The following C12orf60 variants were observed in gnomAD, a reference collection of about 807,000 sequenced individuals.
The protein encoded by C12orf60 is chromosome 12 open reading frame 60, also known as uncharacterized protein C12orf60.
For missense variants in C12orf60, 284 were observed against 283.2 expected (o/e 1.00, Z -0.02); for synonymous variants, 102 against 94.6 (o/e 1.08, Z -0.45).
In C12orf60 at chr12:14,823,052, C is replaced by T; in HGVS notation, c.117C>T (p.Arg39=). Residue 39 remains arginine (R), a synonymous_variant, in exon 2 of 2, where the codon CGC becomes CGT. Transcript: ENST00000330828. ...VINTLTELFS[R]SMNTQILLMA... ...ACACACTGACTGAATTGTTTAGCCG[C>T]AGTATGAATACTCAAATCCTTTTGA... is the stretch of plus-strand genomic sequence containing the variant. 6.2e-7 allele frequency: 1 copy of T among 1,614,058 alleles called. No individual in the cohort carries two copies. Among genetic ancestry groups the T allele is most frequent in the Non-Finnish European group, 8.5e-7 (1 of 1,179,934 alleles).
chr12:14,811,121 C>T (rs1362937165), intron 1 of C12orf60, among the ~76,000 whole-genome samples: 1 of 152,208 alleles, frequency 6.6e-6, no homozygotes, highest in Non-Finnish European at 1.5e-5. Flanking sequence ...TGAACTTTTA[C>T]ATAATTTGAA....
chr12:14,806,550 T>G, intron 1 of C12orf60: 1 of 1,614,186 alleles, frequency 6.2e-7, no homozygotes, highest in Non-Finnish European at 8.5e-7. Flanking sequence ...CAAGTGCATA[T>G]TTAGAACCTC....
At chr12:14,807,856 C>G (rs1010579773) in intron 1 of C12orf60, among the ~76,000 whole-genome samples, 4 of 152,064 alleles carry the variant, frequency 2.6e-5, no homozygotes, top group African/African-American at 9.7e-5. Flanking sequence ...AAAAAAATGC[C>G]ATTTTACAAA....
rs1213274728 is a variant in C12orf60, at chr12:14,824,391, T to C, written c.*718T>C. On this transcript the variant is annotated 3_prime_UTR_variant, in exon 2 of 2. Coordinates refer to ENST00000330828, the MANE Select transcript of C12orf60 (RefSeq NM_175874.4). ...CTGAGATGTGCTTTATTTAAAGAAATGAGATAGGGCAGTCTCTTTGTCTAC... is the reference window on the plus strand; with the variant it reads ...CTGAGATGTGCTTTATTTAAAGAAACGAGATAGGGCAGTCTCTTTGTCTAC... 1 of 152,174 alleles carries C rather than the reference T, an allele frequency of 6.6e-6. No individual in the cohort carries two copies. Among genetic ancestry groups the C allele is most frequent in the African/African-American group, 2.4e-5 (1 of 41,452 alleles). 9.4% of individuals were successfully genotyped at this position (152,174 alleles called of 1,614,324 possible).
chr12:14,803,998 G>C (rs11830399), intron 1 of C12orf60, among the ~76,000 whole-genome samples: 89,278 of 152,032 alleles, frequency 0.59, 26,653 homozygotes, highest in Admixed American at 0.64. Context: ...TTAATAGACA[G>C]GCAGAACAGA....
intron 1 of C12orf60, among the ~76,000 whole-genome samples, chr12:14,822,539 C>T (rs1950322971): frequency 6.6e-6 from 1 of 152,026 alleles, no homozygotes; most frequent in Non-Finnish European, 1.5e-5. Context: ...CTTAGTCTAC[C>T]TTAACTGGAA....
chr12:14,806,155 C>T lies in C12orf60; in HGVS notation c.-25+2404C>T, dbSNP rs61732281. 3.1e-3 allele frequency: 4,998 copies of T among 1,614,082 alleles called. 131 individuals are homozygous for T. The African/African-American group carries it at 0.058, about 19-fold the overall frequency. On this transcript the variant is annotated intron_variant, in intron 1 of 1. Transcript: ENST00000330828. ...TCCACTGCTCCCAGGATGGCACGGA[C>T]AATCATATCTATGCCAAGGCCAAGA...
chr12:14,806,810 C>A lies in C12orf60; in HGVS notation c.-25+3059C>A, dbSNP rs1592229561. On this transcript the variant is annotated intron_variant, in intron 1 of 1. Coordinates refer to ENST00000330828, the MANE Select transcript of C12orf60 (RefSeq NM_175874.4). Reference sequence around the variant, plus strand: ...GCATAGCAAAGAAGCAAGATGCTGTCTAAGGATAATTCCTCAGAACACTCA... The same window carrying A: ...GCATAGCAAAGAAGCAAGATGCTGTATAAGGATAATTCCTCAGAACACTCA... The A allele has an allele frequency of 4.1e-6, 4 of 966,106 alleles. No individual in the cohort carries two copies. The East Asian group carries it at 9.8e-5, about 24-fold the overall frequency. 59.8% of individuals were successfully genotyped at this position (966,106 alleles called of 1,614,324 possible).
intron 1 of C12orf60, among the ~76,000 whole-genome samples, chr12:14,816,509 C>T (rs1023396818): frequency 6.6e-6 from 1 of 152,000 alleles, no homozygotes; most frequent in Admixed American, 6.6e-5. Context: ...CCTCCTTTAT[C>T]TTTCTTCTTC....
intron 1 of C12orf60, among the ~76,000 whole-genome samples, chr12:14,806,954 C>T (rs892753760): frequency 6.6e-6 from 1 of 152,158 alleles, no homozygotes; most frequent in Non-Finnish European, 1.5e-5. Flanking sequence ...GCCTCAGCCT[C>T]CCGAGTAGCT....
intron 1 of C12orf60, among the ~76,000 whole-genome samples, chr12:14,806,927 G>A (rs1221831105): frequency 2.0e-5 from 3 of 152,118 alleles, no homozygotes; most frequent in Non-Finnish European, 4.4e-5. Context: ...TGCCTCCCAG[G>A]CTCTAGCAAT....
intron 1 of C12orf60, 107 bp downstream of exon 1, chr12:14,803,858 C>T (rs957991754): frequency 5.8e-6 from 1 of 171,204 alleles, no homozygotes; most frequent in South Asian, 2.0e-4. Flanking sequence ...TTTCTTATGA[C>T]CCAAGCAGGT....
chr12:14,809,534 A>G (rs1261478593), intron 1 of C12orf60, among the ~76,000 whole-genome samples: 1 of 152,230 alleles, frequency 6.6e-6, no homozygotes, highest in African/African-American at 2.4e-5. Context: ...AGAATCTCAA[A>G]TCAATAATAA....
At chr12:14,807,224 T>C (rs1950065622) in intron 1 of C12orf60, among the ~76,000 whole-genome samples, 1 of 152,222 alleles carries the variant, frequency 6.6e-6, no homozygotes, top group Non-Finnish European at 1.5e-5. Flanking sequence ...GATGGATAAA[T>C]TAAGTTATTA....
chr12:14,811,340 T>C (rs1435853112), intron 1 of C12orf60, among the ~76,000 whole-genome samples: 1 of 152,202 alleles, frequency 6.6e-6, no homozygotes, highest in Non-Finnish European at 1.5e-5. Flanking sequence ...ACCTGGGCCT[T>C]TGCTGGACTG....
At position 14,822,973 on chromosome 12, in the gene C12orf60, T is replaced by C. The variant is rs774051849; in HGVS notation, c.38T>C (p.Ile13Thr). 1.2e-6 allele frequency: 2 copies of C among 1,605,692 alleles called. No individual in the cohort carries two copies. Among genetic ancestry groups the C allele is most frequent in the East Asian group, 2.2e-5 (1 of 44,672 alleles). The stretch of plus-strand genomic sequence containing the variant: ...TCAGAAAAGGATAAAGAGAGACTGA[T>C]TCAAGCTGCCAAAATGTTCTTCTTT... ...SESEKDKERL[I>T]QAAKMFFFHV... is the part of the protein sequence containing the mutation. The change falls in exon 2 of 2, where the codon ATT becomes ACT. Residue 13 changes from isoleucine (I) to threonine (T), a missense_variant. Ile to Thr is a moderately conservative substitution (Grantham distance 89). Transcript: ENST00000330828.
chr12:14,822,668 G>T (rs182393210), intron 1 of C12orf60, among the ~76,000 whole-genome samples: 1 of 152,104 alleles, frequency 6.6e-6, no homozygotes, highest in Admixed American at 6.5e-5. Flanking sequence ...CCATATATTC[G>T]GGATCCAGCA....
chr12:14,806,177 A>G, intron 1 of C12orf60: 1 of 1,614,170 alleles, frequency 6.2e-7, no homozygotes, highest in Non-Finnish European at 8.5e-7. Flanking sequence ...TGCCAAGGCC[A>G]AGAACAGCAA....
chr12:14,808,624 A>G (rs1950091785), intron 1 of C12orf60, among the ~76,000 whole-genome samples: 1 of 152,220 alleles, frequency 6.6e-6, no homozygotes. Flanking sequence ...GTATGGATAT[A>G]AGTTGGCAAC....
Sources: gnomAD v4.1 joint callset for allele counts (sites outside exome capture counted in the v4.1 genomes callset) on GRCh38, gnomAD v4.1.1 for gene constraint, MANE v1.5 for transcripts, NCBI Gene and HGNC (gene_info 2026-07-23, HGNC 2026-07-21) for gene names.